The following PSMB7 variants were observed in gnomAD, a reference collection of about 807,000 sequenced individuals.
PSMB7 encodes the protein proteasome subunit beta type-7.
A neutral mutation model predicts 28.1 loss-of-function variants in PSMB7; 5 were observed. The ratio of observed to expected loss-of-function variants is 0.18; its 90% CI spans 0.09 to 0.37. The LOEUF is 0.37. PSMB7 is among the 10% of genes least tolerant of loss of function. PSMB7 has a pLI of 1.00. For missense variants in PSMB7, 275 were observed against 346.2 expected (o/e 0.79, Z 1.63); for synonymous variants, 122 against 123.7 (o/e 0.99, Z 0.09).
At chr9:124,372,913 T>G (rs1170607077) in intron 6 of PSMB7, among the ~76,000 whole-genome samples, 1 of 152,222 alleles carries the variant, frequency 6.6e-6, no homozygotes, top group African/African-American at 2.4e-5. Context: ...AAAGTCCTGC[T>G]CTTGAATCAG....
chr9:124,414,053 C>G, intron 2 of PSMB7, 48 bp from the exon 3 acceptor site: 1 of 1,215,496 alleles, frequency 8.2e-7, no homozygotes, highest in Non-Finnish European at 1.2e-6. Flanking sequence ...ATAAGCCAAC[C>G]GCAACTCTCT....
At chr9:124,390,758 A>G (rs1305745217) in intron 5 of PSMB7, among the ~76,000 whole-genome samples, 3 of 152,198 alleles carry the variant, frequency 2.0e-5, no homozygotes, top group Non-Finnish European at 2.9e-5. Context: ...GGTATAAAAA[A>G]TTGAAGAAAA....
intron 6 of PSMB7, among the ~76,000 whole-genome samples, chr9:124,361,906 T>G (rs1476591728): frequency 1.3e-5 from 2 of 152,264 alleles, no homozygotes; most frequent in African/African-American, 4.8e-5. Flanking sequence ...CGAATTTCTC[T>G]TCTCACTTAA....
chr9:124,399,712 G>A (rs537462879), intron 5 of PSMB7, among the ~76,000 whole-genome samples: 3 of 152,168 alleles, frequency 2.0e-5, no homozygotes, highest in South Asian at 2.1e-4. Flanking sequence ...AGAGAATGAC[G>A]ACAGAAACCC....
intron 5 of PSMB7, among the ~76,000 whole-genome samples, chr9:124,389,015 T>C (rs1407581910): frequency 6.6e-6 from 1 of 152,150 alleles, no homozygotes; most frequent in Non-Finnish European, 1.5e-5. Context: ...TGAGGCCAAC[T>C]ACCCAAATGA....
At chr9:124,405,991 TC>T (rs1161321897) in intron 4 of PSMB7, among the ~76,000 whole-genome samples, 1 of 151,768 alleles carries the variant, frequency 6.6e-6, no homozygotes. Context: ...CAGCCCACAG[TC>T]CCCTTTAAAA....
chr9:124,407,032 T>C (rs1206083696), intron 4 of PSMB7, among the ~76,000 whole-genome samples: 1 of 151,952 alleles, frequency 6.6e-6, no homozygotes, highest in Non-Finnish European at 1.5e-5. Flanking sequence ...TAGATCTACA[T>C]TTGTCAACAT....
chr9:124,403,886 ATTT>A (rs35168987), intron 5 of PSMB7, among the ~76,000 whole-genome samples: 23 of 138,198 alleles, frequency 1.7e-4, no homozygotes, highest in Admixed American at 3.6e-4. Context: ...CTGTCCTGAC[ATTT>A]TTTTTTTTTT....
rs1357176302 is a variant in PSMB7 at position 124,412,411 on chromosome 9, G to A, written c.336C>T (p.Ser112=). 3 of 1,614,174 alleles carry A rather than the reference G, an allele frequency of 1.9e-6. No homozygotes were observed. Among genetic ancestry groups the A allele is most frequent in the Admixed American group, 1.7e-5 (1 of 60,030 alleles). ...TCACAACTCTGGGAAGACGGCCAGT[G>A]GAGAGGGAGTGGAGCTCCAGGTTGG... ...ISSNLELHSL[S]TGRLPRVVTA... The change falls in exon 4 of 8, where the codon TCC becomes TCT. Residue 112 remains serine, a synonymous_variant. Coordinates refer to ENST00000259457, the MANE Select transcript of PSMB7 (RefSeq NM_002799.4).
intron 6 of PSMB7, chr9:124,384,343 G>A: frequency 7.3e-6 from 3 of 412,366 alleles, no homozygotes. Flanking sequence ...TTACAGTCAA[G>A]AAGATTCCTA....
At chr9:124,376,940 A>G (rs1396141958) in intron 6 of PSMB7, among the ~76,000 whole-genome samples, 1 of 152,238 alleles carries the variant, frequency 6.6e-6, no homozygotes, top group African/African-American at 2.4e-5. Context: ...ATGAAATAAT[A>G]TACCACTGTC....
At chr9:124,377,333 AACC>A (rs1035132673) in intron 6 of PSMB7, among the ~76,000 whole-genome samples, 1 of 152,200 alleles carries the variant, frequency 6.6e-6, no homozygotes, top group African/African-American at 2.4e-5. Flanking sequence ...CTTTCCATGC[AACC>A]ATATTGAACT....
chr9:124,360,452 C>T (rs998633495), intron 6 of PSMB7, among the ~76,000 whole-genome samples: 3 of 152,252 alleles, frequency 2.0e-5, no homozygotes, highest in Non-Finnish European at 4.4e-5. Flanking sequence ...CCCATGACCC[C>T]AGGTGGTCAG....
chr9:124,409,834 T>A (rs1356996885), intron 4 of PSMB7, among the ~76,000 whole-genome samples: 2 of 152,166 alleles, frequency 1.3e-5, no homozygotes, highest in African/African-American at 2.4e-5. Context: ...AATCCTAAAC[T>A]CTTTCCTTAT....
At chr9:124,357,772 C>T (rs1830426028) in intron 6 of PSMB7, among the ~76,000 whole-genome samples, 1 of 152,168 alleles carries the variant, frequency 6.6e-6, no homozygotes, top group Non-Finnish European at 1.5e-5. Flanking sequence ...ATCCCTGCCC[C>T]CTAGGGGCTT....
At chr9:124,385,798 T>C (rs923338158) in intron 5 of PSMB7, among the ~76,000 whole-genome samples, 2 of 152,186 alleles carry the variant, frequency 1.3e-5, no homozygotes, top group African/African-American at 2.4e-5. Context: ...GTCTGCTGAA[T>C]GTATAATGAA....
chr9:124,412,636 T>C lies in PSMB7; in HGVS notation c.255-144A>G, dbSNP rs1450824977. The C allele has an allele frequency of 6.3e-6, 5 of 794,862 alleles. No homozygotes were observed. In the African/African-American group the frequency reaches 7.0e-5, roughly 11 times the overall value. 49.2% of individuals were successfully genotyped at this position (794,862 alleles called of 1,614,324 possible). On this transcript the variant is annotated intron_variant, in intron 3 of 7. Coordinates refer to ENST00000259457, the MANE Select transcript of PSMB7 (RefSeq NM_002799.4). Reference sequence around the variant, plus strand: ...TCTATGCTGTAACTTCTCTGTTTAGTCAACCTTAAATAAACAGAAAATTGA... The same window carrying C: ...TCTATGCTGTAACTTCTCTGTTTAGCCAACCTTAAATAAACAGAAAATTGA...
At chr9:124,374,727 G>C (rs1013513296) in intron 6 of PSMB7, among the ~76,000 whole-genome samples, 3 of 152,102 alleles carry the variant, frequency 2.0e-5, no homozygotes, top group Non-Finnish European at 4.4e-5. Flanking sequence ...GGGAGGCTCA[G>C]GCAGGAGGAT....
chr9:124,391,892 CTA>C (rs1285512852), intron 5 of PSMB7, among the ~76,000 whole-genome samples: 1 of 152,230 alleles, frequency 6.6e-6, no homozygotes, highest in African/African-American at 2.4e-5. Context: ...ATTCTATAAT[CTA>C]TGTTATTAGA....
Sources: gnomAD v4.1 joint callset for allele counts (sites outside exome capture counted in the v4.1 genomes callset) on GRCh38, gnomAD v4.1.1 for gene constraint, MANE v1.5 for transcripts, NCBI Gene and HGNC (gene_info 2026-07-23, HGNC 2026-07-21) for gene names.